Variants in HECTD4 observed in about 807,000 individuals in gnomAD.
HECTD4 encodes probable E3 ubiquitin-protein ligase HECTD4.
A neutral mutation model predicts 471.5 loss-of-function variants in HECTD4; 114 were observed. The ratio of observed to expected loss-of-function variants is 0.24; its 90% CI spans 0.21 to 0.28. The LOEUF (loss-of-function observed/expected upper bound fraction) is 0.28, where lower values mean the gene tolerates loss of function less well. HECTD4 is among the 10% of genes least tolerant of loss of function. The pLI, the probability that HECTD4 is intolerant of heterozygous loss-of-function variation, is 1.00. For missense variants in HECTD4, 3,866 were observed against 5,651.5 expected (o/e 0.68, Z 10.13); for synonymous variants, 2,012 against 2,256.0 (o/e 0.89, Z 3.07).
rs1324557361 is a variant in HECTD4, at chr12:112,163,502, C to G, written c.12897+40G>C. ...GGGTGACAGGGAGGCACGCCTGGGG[C>G]TCACCACCTCCCCGCCCAGCCTGGC... On this transcript the variant is annotated intron_variant, in intron 74 of 75. Transcript: ENST00000682272. The surrounding 1 kb of genome is among the most constrained non-coding windows in gnomAD (Gnocchi z 8.2). 7.0e-7 allele frequency: 1 copy of G among 1,438,662 alleles called. No homozygotes were observed. Among genetic ancestry groups the G allele is most frequent in the Admixed American group, 2.8e-5 (1 of 35,656 alleles). 89.1% of individuals were successfully genotyped at this position (1,438,662 alleles called of 1,614,324 possible). A position where few individuals can be genotyped will look rare whatever the true frequency, so the allele number is the denominator to read the frequency against.
intron 20 of HECTD4, among the ~76,000 whole-genome samples, chr12:112,257,867 G>A (rs2034053963): frequency 6.6e-6 from 1 of 152,144 alleles, no homozygotes. Flanking sequence ...AAATAGTTGG[G>A]TCATACAATA....
At chr12:112,290,086 C>T (rs1040712028) in intron 7 of HECTD4, among the ~76,000 whole-genome samples, 1 of 151,962 alleles carries the variant, frequency 6.6e-6, no homozygotes, top group Non-Finnish European at 1.5e-5. Context: ...TTTGAGAGGC[C>T]GAGGCTGGTA....
intron 7 of HECTD4, among the ~76,000 whole-genome samples, chr12:112,283,967 T>C (rs1594009368): frequency 6.6e-6 from 1 of 151,654 alleles, no homozygotes. Context: ...TTTTTTTTTT[T>C]TTTTTCTTTT....
chr12:112,302,680 G>A (rs1396421744), intron 7 of HECTD4: 7 of 499,548 alleles, frequency 1.4e-5, no homozygotes, highest in East Asian at 1.1e-4. Context: ...CTTGGGCAGT[G>A]GGAGGCCAGT....
At chr12:112,191,633 C>A (rs2032083382) in intron 59 of HECTD4, among the ~76,000 whole-genome samples, 1 of 152,140 alleles carries the variant, frequency 6.6e-6, no homozygotes, top group Non-Finnish European at 1.5e-5. Flanking sequence ...GGCTTGTATA[C>A]TCTGGGGTGA....
At position 112,309,643 on chromosome 12, in the gene HECTD4, C is replaced by T; in HGVS notation, c.943G>A (p.Ala315Thr). 6.5e-7 allele frequency: 1 copy of T among 1,531,786 alleles called. No homozygotes were observed. Among genetic ancestry groups the T allele is most frequent in the Non-Finnish European group, 8.8e-7 (1 of 1,142,788 alleles). 94.9% of individuals were successfully genotyped at this position (1,531,786 alleles called of 1,614,324 possible). A position where few individuals can be genotyped will look rare whatever the true frequency, so the allele number is the denominator to read the frequency against. ...KDADLGRCLT[A>T]DGLYLYTTNS... ...GTAGTATACAGGTAAAGACCATCTGCCGTGAGACAGCGTCCCAAGTCAGCA... is the reference window on the plus strand; with the variant it reads ...GTAGTATACAGGTAAAGACCATCTGTCGTGAGACAGCGTCCCAAGTCAGCA... The change falls in exon 5 of 76, where the codon GCA becomes ACA. Residue 315 changes from alanine to threonine, a missense_variant. This residue lies in a region of HECTD4 where 440 missense variants were observed against 636.0 expected (regional missense o/e 0.69). Coordinates refer to ENST00000682272, the MANE Select transcript of HECTD4 (RefSeq NM_001388303.1).
At position 112,239,738 on chromosome 12, in the gene HECTD4, G is replaced by C; in HGVS notation, c.5105+143C>G. 1 of 618,992 alleles carries C rather than the reference G, an allele frequency of 1.6e-6. No homozygotes were observed. The highest frequency in any genetic ancestry group is 2.6e-6 in the Non-Finnish European group (1 of 385,216). 38.3% of individuals were successfully genotyped at this position (618,992 alleles called of 1,614,324 possible). ...TAAGAAATTTACATAGGAACCTTAA[G>C]TGTCTTTCAGGAGAAAAGTTTTGTA... On this transcript the variant is annotated intron_variant, in intron 33 of 75. Transcript: ENST00000682272. This position sits in a 1 kb window ranked among gnomAD's most constrained non-coding sequence, Gnocchi z 4.9.
At chr12:112,367,185 C>A (rs1384570593) in intron 1 of HECTD4, among the ~76,000 whole-genome samples, 2 of 150,820 alleles carry the variant, frequency 1.3e-5, no homozygotes, top group Non-Finnish European at 3.0e-5. Flanking sequence ...ACCTGTAATC[C>A]CAGTTTCTTG....
At position 112,170,750 on chromosome 12, in the gene HECTD4, C is replaced by T. The variant is rs560824920; in HGVS notation, c.11933-298G>A. ...AGACAAAAAGCTGTGTGTGTGCACA[C>T]ATGTGTCTGTTTATATGTCAAGAGA... On this transcript the variant is annotated intron_variant, in intron 68 of 75. Coordinates refer to ENST00000682272, the MANE Select transcript of HECTD4 (RefSeq NM_001388303.1). 1.3e-5 allele frequency: 6 copies of T among 477,560 alleles called. No homozygotes were observed. In the Admixed American group the frequency reaches 1.4e-4, roughly 11 times the overall value. 29.6% of individuals were successfully genotyped at this position (477,560 alleles called of 1,614,324 possible). A position where few individuals can be genotyped will look rare whatever the true frequency, so the allele number is the denominator to read the frequency against.
Position 112,306,240 on chromosome 12 carries a change from C to A in HECTD4, c.1165-6G>T. On this transcript the variant is annotated splice_polypyrimidine_tract_variant and splice_region_variant and intron_variant, in intron 6 of 75. Transcript: ENST00000682272. ...ATTGGCACCACCTGGCACACCTGGGCATGAAAGGGAGGAAATCTCCATTAG... is the reference window on the plus strand; with the variant it reads ...ATTGGCACCACCTGGCACACCTGGGAATGAAAGGGAGGAAATCTCCATTAG... 6.6e-7 allele frequency: 1 copy of A among 1,522,254 alleles called. No homozygotes were observed. Among genetic ancestry groups the A allele is most frequent in the Non-Finnish European group, 8.8e-7 (1 of 1,137,644 alleles). 94.3% of individuals were successfully genotyped at this position (1,522,254 alleles called of 1,614,324 possible).
intron 38 of HECTD4, among the ~76,000 whole-genome samples, chr12:112,232,287 C>T (rs1469187600): frequency 2.6e-5 from 4 of 152,146 alleles, no homozygotes; most frequent in Admixed American, 6.5e-5. Flanking sequence ...CCTGCCACCA[C>T]GTCTGGCTAA....
rs1420174511 is a variant in HECTD4, at chr12:112,190,690, G to A, written c.9472+96C>T. Reference sequence around the variant, plus strand: ...GGCTGCAGCTGCCTGGGCTACCTGTGGCCACTCCCTACACCACCTGGCAAG... The same window carrying A: ...GGCTGCAGCTGCCTGGGCTACCTGTAGCCACTCCCTACACCACCTGGCAAG... On this transcript the variant is annotated intron_variant, in intron 60 of 75. Transcript: ENST00000682272. The A allele has an allele frequency of 2.6e-6, 3 of 1,138,160 alleles. No homozygotes were observed. The East Asian group carries it at 7.9e-5, about 30-fold the overall frequency. 70.5% of individuals were successfully genotyped at this position (1,138,160 alleles called of 1,614,324 possible). A position where few individuals can be genotyped will look rare whatever the true frequency, so the allele number is the denominator to read the frequency against.
In HECTD4 at chr12:112,232,192, G is replaced by A. The variant is rs367582827; in HGVS notation, c.5998-477C>T. On this transcript the variant is annotated intron_variant, in intron 38 of 75. Transcript: ENST00000682272. The stretch of plus-strand genomic sequence containing the variant: ...GTTGCCCAGACTAGAGTGCAGTGGT[G>A]CGATCTCGGCTCACTGCAACCTCCA... Among the ~76,000 whole-genome samples, 8 of 152,262 alleles carry A rather than the reference G, an allele frequency of 5.3e-5. No individual in the cohort carries two copies. In the East Asian group the frequency reaches 1.4e-3, roughly 26 times the overall value.
chr12:112,246,210 T>C (rs2033757906), intron 29 of HECTD4, among the ~76,000 whole-genome samples: 1 of 151,298 alleles, frequency 6.6e-6, no homozygotes, highest in Non-Finnish European at 1.5e-5. Context: ...CAGGAAGTCA[T>C]ACCACAAGGT....
intron 1 of HECTD4, among the ~76,000 whole-genome samples, chr12:112,366,369 A>G (rs1019615129): frequency 6.6e-6 from 1 of 151,856 alleles, no homozygotes; most frequent in African/African-American, 2.4e-5. Context: ...TTAAATAAAA[A>G]ATTAGTAAGG....
intron 49 of HECTD4, among the ~76,000 whole-genome samples, chr12:112,210,747 T>C (rs1411724330): frequency 1.3e-5 from 2 of 152,226 alleles, no homozygotes; most frequent in Non-Finnish European, 2.9e-5. Context: ...TGTGATTACA[T>C]ACATACACAT....
chr12:112,294,934 C>CT (rs1475651357), intron 7 of HECTD4, among the ~76,000 whole-genome samples: 25 of 152,104 alleles, frequency 1.6e-4, no homozygotes, highest in Non-Finnish European at 3.7e-4. Flanking sequence ...TACTTCCAGT[C>CT]TCTTGTGATG....
chr12:112,324,089 TCTTTCTTTCTTTC>T lies in HECTD4; in HGVS notation c.178-4360_178-4348del, dbSNP rs2035687609. ...TTCTTTCTTTCTTTCTTTCTTTCTT[TCTTTCTTTCTTTC>T]CTCTCTCTCTTTCTTTCTTTTTTTT... On this transcript the variant is annotated intron_variant, in intron 1 of 75. Coordinates refer to ENST00000682272, the MANE Select transcript of HECTD4 (RefSeq NM_001388303.1). 4.3e-5 allele frequency among the ~76,000 whole-genome samples: 4 copies of T among 92,480 alleles called. 1 individual carries two copies. The highest frequency in any genetic ancestry group is 2.6e-4 in the African/African-American group (4 of 15,490). The allele number at this position is 92,480 out of a possible 152,430, so 60.7% of individuals were successfully genotyped here.
intron 37 of HECTD4, 113 bp from the exon 38 acceptor site, chr12:112,233,198 C>T (rs1172064281): frequency 1.4e-5 from 8 of 568,118 alleles, no homozygotes; most frequent in Non-Finnish European, 2.2e-5. Context: ...CTAACATTAG[C>T]TTACACTAAC....
Sources: gnomAD v4.1 joint callset for allele counts (sites outside exome capture counted in the v4.1 genomes callset) on GRCh38, gnomAD v4.1.1 for gene constraint, gnomAD v4.1.1 regional missense constraint, Gnocchi (gnomAD v3.1) non-coding constraint, MANE v1.5 for transcripts, NCBI Gene and HGNC (gene_info 2026-07-23, HGNC 2026-07-21) for gene names.